The following GABRA2 variants were observed in gnomAD, a reference collection of about 807,000 sequenced individuals.
GABRA2 encodes gamma-aminobutyric acid type A receptor subunit alpha2.
In GABRA2, 16 loss-of-function variants were observed where a neutral mutation model predicts 48.7. The ratio of observed to expected loss-of-function variants is 0.33; its 90% CI spans 0.22 to 0.50. The LOEUF (loss-of-function observed/expected upper bound fraction) is 0.50, where lower values mean the gene tolerates loss of function less well. Among genes scored for constraint, GABRA2 ranks in the 20% least tolerant of loss-of-function variants. The pLI is 0.98. For missense variants in GABRA2, 275 were observed against 535.6 expected, an observed-to-expected ratio of 0.51 and a Z score of 4.80; for synonymous variants, 185 against 184.5, an observed-to-expected ratio of 1.00 and a Z score of -0.02.
Position 46,310,221 on chromosome 4 carries a change from C to A in GABRA2, c.511G>T (p.Glu171Ter). Residue 171 changes from glutamate (E) to a stop codon, truncating the protein, a stop_gained, in exon 6 of 10, where the codon GAG (glutamate) becomes TAG (stop). Transcript: ENST00000381620. LOFTEE classifies it high-confidence loss of function. The stretch of plus-strand genomic sequence containing the variant: ...GAATGAGCATCCATTGGGAAATCCT[C>A]CAAGTGCATTGGGCATTCAGCTTGA... The part of the protein sequence containing the change: ...TVQAECPMHL[E>*]DFPMDAHSCP... 6.2e-7 allele frequency: 1 copy of A among 1,613,740 alleles called. No homozygotes were observed. Among genetic ancestry groups the A allele is most frequent in the Non-Finnish European group, 8.5e-7 (1 of 1,179,752 alleles).
intron 3 of GABRA2, chr4:46,364,810 A>G (rs1316818125): frequency 6.6e-6 from 1 of 152,188 alleles, no homozygotes; most frequent in Admixed American, 6.6e-5. Flanking sequence ...TCCCTTTCTT[A>G]AAGTCAACTG....
chr4:46,280,709 T>C (rs1214966141), intron 8 of GABRA2, among the ~76,000 whole-genome samples: 38 of 152,178 alleles, frequency 2.5e-4, no homozygotes. Flanking sequence ...TGTTAAAGTC[T>C]TAACTCCTCA....
intron 8 of GABRA2, among the ~76,000 whole-genome samples, chr4:46,287,635 G>A (rs1422558583): frequency 5.1e-5 from 6 of 116,838 alleles, no homozygotes; most frequent in African/African-American, 1.9e-4. Context: ...GTTGTGGGGT[G>A]GGGGGAGGGG....
chr4:46,312,918 A>C (rs1271579198), intron 4 of GABRA2, among the ~76,000 whole-genome samples: 1 of 152,012 alleles, frequency 6.6e-6, no homozygotes, highest in Admixed American at 6.6e-5. Flanking sequence ...TGTGTATACT[A>C]TTAGCTATAT....
chr4:46,270,990 T>C (rs1719211240), intron 8 of GABRA2, among the ~76,000 whole-genome samples: 1 of 106,828 alleles, frequency 9.4e-6, no homozygotes, highest in Non-Finnish European at 2.2e-5. Context: ...GTGCCCCTAC[T>C]ATATAAAAAA....
chr4:46,309,328 G>A lies in GABRA2; in HGVS notation c.559+845C>T, dbSNP rs1727234947. On this transcript the variant is annotated intron_variant, in intron 6 of 9. Transcript: ENST00000381620. ...ATTCAGCAATACATAGTTTTAATCA[G>A]ATGAGAGTACTGTATTTCTATTCAA... is the stretch of plus-strand genomic sequence containing the variant. Among the ~76,000 whole-genome samples the A allele has an allele frequency of 2.6e-5, 4 of 151,998 alleles. No individual in the cohort carries two copies. The South Asian group carries it at 8.3e-4, about 32-fold the overall frequency.
intron 9 of GABRA2, among the ~76,000 whole-genome samples, chr4:46,255,963 C>T (rs1715722731): frequency 6.6e-6 from 1 of 151,430 alleles, no homozygotes; most frequent in Non-Finnish European, 1.5e-5. Context: ...CTGTTCCTTA[C>T]AGTAAAGAAA....
At chr4:46,287,062 T>A (rs1239677928) in intron 8 of GABRA2, among the ~76,000 whole-genome samples, 1 of 152,182 alleles carries the variant, frequency 6.6e-6, no homozygotes, top group Non-Finnish European at 1.5e-5. Flanking sequence ...TTTTTCCTAA[T>A]AGTTTTATAT....
chr4:46,385,078 C>CATATATATAT (rs36113226), intron 3 of GABRA2, among the ~76,000 whole-genome samples: 273 of 143,528 alleles, frequency 1.9e-3, no homozygotes, highest in South Asian at 4.7e-3. Context: ...AATTGCCTAA[C>CATATATATAT]ATATATATAT....
At chr4:46,277,085 AATT>A (rs1720649287) in intron 8 of GABRA2, among the ~76,000 whole-genome samples, 1 of 152,084 alleles carries the variant, frequency 6.6e-6, no homozygotes, top group Non-Finnish European at 1.5e-5. Context: ...AATTCGTGTG[AATT>A]ATTATCACAA....
intron 7 of GABRA2, among the ~76,000 whole-genome samples, chr4:46,304,112 T>C (rs1234459307): frequency 2.0e-5 from 3 of 152,222 alleles, no homozygotes; most frequent in Non-Finnish European, 4.4e-5. Flanking sequence ...GTCATGCTTA[T>C]TGACCAAAGG....
chr4:46,251,176 G>T (rs142191271), intron 9 of GABRA2, among the ~76,000 whole-genome samples: 1 of 151,324 alleles, frequency 6.6e-6, no homozygotes, highest in Non-Finnish European at 1.5e-5. Flanking sequence ...AGCTCATCCC[G>T]TTTCACTTTA....
At chr4:46,282,388 G>A (rs1397172511) in intron 8 of GABRA2, among the ~76,000 whole-genome samples, 2 of 152,080 alleles carry the variant, frequency 1.3e-5, no homozygotes, top group Non-Finnish European at 2.9e-5. Flanking sequence ...TATCTGAGAT[G>A]GTGTTTCTTG....
intron 8 of GABRA2, among the ~76,000 whole-genome samples, chr4:46,266,447 C>T (rs1257077895): frequency 1.3e-5 from 2 of 148,204 alleles, no homozygotes; most frequent in East Asian, 2.0e-4. Flanking sequence ...AAATATCTTC[C>T]CATGGCCTCT....
chr4:46,263,408 G>GCACCACACACAAATACC (rs1717446632), intron 8 of GABRA2, among the ~76,000 whole-genome samples: 1 of 151,968 alleles, frequency 6.6e-6, no homozygotes, highest in Non-Finnish European at 1.5e-5. Context: ...ATTTTTGTGT[G>GCACCACACACAAATACC]TGGTGTAAGG....
intron 3 of GABRA2, among the ~76,000 whole-genome samples, chr4:46,348,505 G>A (rs1185379913): frequency 6.6e-6 from 1 of 151,926 alleles, no homozygotes; most frequent in Non-Finnish European, 1.5e-5. Context: ...ATTCACAATA[G>A]CAAAGACTTG....
intron 3 of GABRA2, among the ~76,000 whole-genome samples, chr4:46,377,314 C>G (rs896127861): frequency 9.2e-5 from 14 of 151,496 alleles, no homozygotes; most frequent in Middle Eastern, 3.2e-3. Context: ...GGCCGCCATC[C>G]CATCTGGGAA....
chr4:46,283,446 C>G (rs1177994762), intron 8 of GABRA2, among the ~76,000 whole-genome samples: 1 of 152,112 alleles, frequency 6.6e-6, no homozygotes, highest in African/African-American at 2.4e-5. Context: ...AGCCTTGGAC[C>G]AACTACTTGT....
chr4:46,330,340 T>C (rs1025672014), intron 4 of GABRA2, among the ~76,000 whole-genome samples: 2 of 151,968 alleles, frequency 1.3e-5, no homozygotes, highest in African/African-American at 2.4e-5. Flanking sequence ...CTAATGACTA[T>C]ATACCTAACA....
Sources: gnomAD v4.1 joint callset for allele counts (sites outside exome capture counted in the v4.1 genomes callset) on GRCh38, gnomAD v4.1.1 for gene constraint, MANE v1.5 for transcripts, NCBI Gene and HGNC (gene_info 2026-07-23, HGNC 2026-07-21) for gene names.